Variants in MROH7 observed in about 807,000 individuals in gnomAD.
MROH7 encodes the protein maestro heat-like repeat-containing protein family member 7.
MROH7 carries 113 observed loss-of-function variants against 129.2 expected under a neutral mutation model. The ratio of observed to expected loss-of-function variants is 0.87; its 90% CI spans 0.75 to 1.02. MROH7 has a LOEUF of 1.02. Ranked by LOEUF, MROH7 falls within the 50% of genes least tolerant of loss-of-function variation. MROH7 has a pLI of 0.00. For synonymous variants in MROH7, 655 were observed against 667.9 expected, an observed-to-expected ratio of 0.98 and a Z score of 0.30; for missense variants, 1,601 against 1,671.3, an observed-to-expected ratio of 0.96 and a Z score of 0.73.
At position 54,674,041 on chromosome 1, in the gene MROH7, G is replaced by A. The variant is rs556161978; in HGVS notation, c.1826G>A (p.Gly609Glu). The A allele has an allele frequency of 5.0e-6, 8 of 1,614,116 alleles. No homozygotes were observed. The African/African-American group carries it at 9.3e-5, about 19-fold the overall frequency. Reference sequence around the variant, plus strand: ...ATGCCCTTGGGGTTCCCGGCGCTGGGGCTTCTGCTGGGGAGACTCATCCTT... The same window carrying A: ...ATGCCCTTGGGGTTCCCGGCGCTGGAGCTTCTGCTGGGGAGACTCATCCTT... ...FFMPLGFPALGLLLGRLILHI... is the reference protein window; with the variant it reads ...FFMPLGFPALELLLGRLILHI... The change falls in exon 10 of 24, where the codon GGG (glycine) becomes GAG (glutamate). Residue 609 changes from glycine (G) to glutamate (E), a missense_variant. Gly to Glu is a moderately conservative substitution (Grantham distance 98, BLOSUM62 -2). Coordinates refer to ENST00000421030, the MANE Select transcript of MROH7 (RefSeq NM_001039464.4).
In MROH7 at chr1:54,670,871, C is replaced by A; in HGVS notation, c.1541C>A (p.Ser514Tyr). The change falls in exon 7 of 24, where the codon TCC (serine) becomes TAC (tyrosine). Residue 514 changes from serine to tyrosine, a missense_variant. Coordinates refer to ENST00000421030, the MANE Select transcript of MROH7 (RefSeq NM_001039464.4). ...AACGTGTGTGTGCACAGCGTGTTCT[C>A]CCTGCCCTCCGTGCAGGCGATGCAG... is the stretch of plus-strand genomic sequence containing the variant. ...LVNVCVHSVF[S>Y]LPSVQAMQEK... The A allele has an allele frequency of 6.2e-7, 1 of 1,613,386 alleles. No homozygotes were observed. The highest frequency in any genetic ancestry group is 1.1e-5 in the South Asian group (1 of 90,788).
chr1:54,668,018 T>C (rs986184095), intron 4 of MROH7, among the ~76,000 whole-genome samples: 5 of 152,244 alleles, frequency 3.3e-5, no homozygotes, highest in African/African-American at 9.6e-5. Flanking sequence ...CTCCACAGTA[T>C]AGACTGAGAT....
intron 20 of MROH7, 76 bp downstream of exon 20, chr1:54,702,321 G>A: frequency 7.8e-7 from 1 of 1,280,046 alleles, no homozygotes; most frequent in African/African-American, 1.5e-5. Context: ...CGTTAACCAA[G>A]CCAGAGTCTC....
In MROH7 at chr1:54,695,474, C is replaced by T. The variant is rs1273960821; in HGVS notation, c.2948C>T (p.Thr983Ile). ...RGDEKHRITATAFFVELLQME... is the reference protein window; with the variant it reads ...RGDEKHRITAIAFFVELLQME... ...GACGAGAAGCACAGGATCACGGCCA[C>T]CGCCTTCTTCGTGGAGGTACCAACG... is the stretch of plus-strand genomic sequence containing the variant. Residue 983 changes from threonine to isoleucine, a missense_variant, in exon 17 of 24, where the codon ACC (threonine) becomes ATC (isoleucine). By Grantham distance (89) the Thr-to-Ile change is moderately conservative. Transcript: ENST00000421030. The T allele has an allele frequency of 1.9e-6, 3 of 1,613,468 alleles. No homozygotes were observed. The highest frequency in any genetic ancestry group is 2.5e-6 in the Non-Finnish European group (3 of 1,179,694).
chr1:54,671,170 G>A (rs545057508), intron 7 of MROH7, among the ~76,000 whole-genome samples: 13 of 152,212 alleles, frequency 8.5e-5, no homozygotes, highest in Admixed American at 5.2e-4. Flanking sequence ...GGTGGATCAC[G>A]AGGTCAGGAG....
At chr1:54,688,734 T>C (rs982608177) in intron 15 of MROH7, among the ~76,000 whole-genome samples, 1 of 152,208 alleles carries the variant, frequency 6.6e-6, no homozygotes, top group Non-Finnish European at 1.5e-5. Flanking sequence ...CTCCTGCTCA[T>C]GCTCGTAGGT....
chr1:54,709,081 G>C lies in MROH7; in HGVS notation c.3730+5G>C. ...GTCTGAATGAAGTGAAAGCTGGTAA[G>C]TCATGCCCCGCATTGGTGAAATTTC... On this transcript the variant is annotated splice_donor_5th_base_variant and intron_variant, in intron 23 of 23. Coordinates refer to ENST00000421030, the MANE Select transcript of MROH7 (RefSeq NM_001039464.4). 6.2e-7 allele frequency: 1 copy of C among 1,614,144 alleles called. No individual in the cohort carries two copies. The highest frequency in any genetic ancestry group is 1.1e-5 in the South Asian group (1 of 91,078).
In MROH7 at chr1:54,673,190, C is replaced by G; in HGVS notation, c.1695+4C>G. 1 of 1,607,956 alleles carries G rather than the reference C, an allele frequency of 6.2e-7. No homozygotes were observed. Among genetic ancestry groups the G allele is most frequent in the Non-Finnish European group, 8.5e-7 (1 of 1,175,494 alleles). ...TGGGCTGAAGAGCATCTTGGAGGTG[C>G]GGAGATGGGAGGGGCAAGGAAGGGA... On this transcript the variant is annotated splice_donor_region_variant and intron_variant, in intron 8 of 23. Coordinates refer to ENST00000421030, the MANE Select transcript of MROH7 (RefSeq NM_001039464.4).
intron 10 of MROH7, among the ~76,000 whole-genome samples, chr1:54,676,868 CT>C (rs1456189955): frequency 1.3e-5 from 2 of 151,828 alleles, no homozygotes; most frequent in African/African-American, 2.4e-5. Flanking sequence ...ACTACCGTGC[CT>C]GGCTAATTTT....
At chr1:54,670,221 C>T (rs563620373) in intron 5 of MROH7, among the ~76,000 whole-genome samples, 1 of 152,296 alleles carries the variant, frequency 6.6e-6, no homozygotes, top group East Asian at 1.9e-4. Flanking sequence ...TTAATCCCAG[C>T]ATTTTGGGAG....
Position 54,710,133 on chromosome 1 carries a change from G to A in MROH7, c.3918G>A (p.Arg1306=). 1 of 1,613,758 alleles carries A rather than the reference G, an allele frequency of 6.2e-7. No homozygotes were observed. The highest frequency in any genetic ancestry group is 1.1e-5 in the South Asian group (1 of 91,076). ...SCENLPTSHQ[R]RSWIMQALGS... ...AGAACCTGCCCACTTCCCACCAGCG[G>A]CGCTCCTGGATCATGCAGGCACTGG... The change falls in exon 24 of 24, where the codon CGG becomes CGA. Residue 1306 remains arginine (R), a synonymous_variant. Transcript: ENST00000421030.
rs202175562 is a variant in MROH7, at chr1:54,673,176, G to C, written c.1685G>C (p.Ser562Thr). The change falls in exon 8 of 24, where the codon AGC becomes ACC. Residue 562 changes from serine (S) to threonine (T), a missense_variant. Ser to Thr is a moderately conservative substitution (Grantham distance 58, BLOSUM62 1). Coordinates refer to ENST00000421030, the MANE Select transcript of MROH7 (RefSeq NM_001039464.4). ...IEDPTPAGLK[S>T]ILEALGPWMN... ...GACCCCACTCCTGCTGGGCTGAAGAGCATCTTGGAGGTGCGGAGATGGGAG... is the reference window on the plus strand; with the variant it reads ...GACCCCACTCCTGCTGGGCTGAAGACCATCTTGGAGGTGCGGAGATGGGAG... 12 of 1,613,152 alleles carry C rather than the reference G, an allele frequency of 7.4e-6. No individual in the cohort carries two copies. Among genetic ancestry groups the C allele is most frequent in the Non-Finnish European group, 1.0e-5 (12 of 1,179,330 alleles).
chr1:54,662,613 GC>G (rs1557698028), intron 3 of MROH7, among the ~76,000 whole-genome samples: 2 of 151,874 alleles, frequency 1.3e-5, no homozygotes, highest in African/African-American at 4.8e-5. Context: ...TCCAAATGAT[GC>G]CCCATCACCC....
At position 54,653,842 on chromosome 1, in the gene MROH7, T is replaced by A. The variant is rs1655519; in HGVS notation, c.916T>A (p.Tyr306Asn). 7 of 1,613,852 alleles carry A rather than the reference T, an allele frequency of 4.3e-6. No individual in the cohort carries two copies. The African/African-American group carries it at 9.3e-5, about 22-fold the overall frequency. ...SYVTLIPGSS[Y>N]GISLHSSTHE... ...TGTGACCCTGATTCCTGGCTCCAGC[T>A]ATGGTATCAGCCTGCACTCCAGCAC... The change falls in exon 3 of 24, where the codon TAT becomes AAT. Residue 306 changes from tyrosine to asparagine, a missense_variant. Tyr to Asn is a moderately radical substitution (Grantham distance 143). Transcript: ENST00000421030.
chr1:54,656,692 G>A (rs1383533917), intron 3 of MROH7, among the ~76,000 whole-genome samples: 3 of 151,658 alleles, frequency 2.0e-5, no homozygotes, highest in Non-Finnish European at 2.9e-5. Flanking sequence ...TGTGGTGGCC[G>A]GGGCCTGTAA....
intron 15 of MROH7, among the ~76,000 whole-genome samples, chr1:54,690,905 A>T (rs1645226876): frequency 6.6e-6 from 1 of 152,142 alleles, no homozygotes; most frequent in East Asian, 1.9e-4. Context: ...AGGTGTCCAA[A>T]ATGATGACCC....
intron 22 of MROH7, among the ~76,000 whole-genome samples, chr1:54,706,802 C>A (rs1015045801): frequency 6.6e-6 from 1 of 152,210 alleles, no homozygotes; most frequent in African/African-American, 2.4e-5. Flanking sequence ...AGAACTGCTG[C>A]TTTTCTCTGG....
intron 23 of MROH7, among the ~76,000 whole-genome samples, chr1:54,709,602 G>C (rs1645591575): frequency 6.6e-6 from 1 of 152,050 alleles, no homozygotes; most frequent in Non-Finnish European, 1.5e-5. Context: ...CCCCACCCAA[G>C]GGGAGCTCAC....
intron 17 of MROH7, 104 bp from the exon 18 acceptor site, chr1:54,700,217 G>A (rs994100604): frequency 5.4e-6 from 8 of 1,473,778 alleles, no homozygotes; most frequent in Admixed American, 1.8e-5. Flanking sequence ...GAAGCTCCGG[G>A]CAGAGCTGAG....
Sources: gnomAD v4.1 joint callset for allele counts (sites outside exome capture counted in the v4.1 genomes callset) on GRCh38, gnomAD v4.1.1 for gene constraint, MANE v1.5 for transcripts, NCBI Gene and HGNC (gene_info 2026-07-23, HGNC 2026-07-21) for gene names.